Variants in ERBB4 observed in about 807,000 individuals in gnomAD.
ERBB4 encodes erb-b2 receptor tyrosine kinase 4, also known as receptor tyrosine-protein kinase erbB-4.
A neutral mutation model predicts 158.0 loss-of-function variants in ERBB4; 42 were observed. The ratio of observed to expected loss-of-function variants is 0.27; its 90% CI spans 0.21 to 0.34. The LOEUF (loss-of-function observed/expected upper bound fraction) is 0.34. Ranked by LOEUF, ERBB4 falls within the 10% of genes least tolerant of loss-of-function variation. The pLI is 1.00. For missense variants in ERBB4, 1,333 were observed against 1,624.1 expected (o/e 0.82, Z 3.08); for synonymous variants, 583 against 558.7 (o/e 1.04, Z -0.61).
intron 3 of ERBB4, among the ~76,000 whole-genome samples, chr2:211,855,905 T>C (rs1252635907): frequency 6.6e-6 from 1 of 152,172 alleles, no homozygotes; most frequent in Non-Finnish European, 1.5e-5. Flanking sequence ...GATACTTATG[T>C]ATGTAGAAAA....
rs1356101096 is a variant in ERBB4, at chr2:211,413,770, G to A, written c.3135+6671C>T. The stretch of plus-strand genomic sequence containing the variant: ...CAGCTAATCTGGGTTTTTGTTTGAC[G>A]ACCATGAAGAATTAGGCATGCGGAC... On this transcript the variant is annotated intron_variant, in intron 25 of 27. Transcript: ENST00000342788. 3.9e-5 allele frequency among the ~76,000 whole-genome samples: 6 copies of A among 151,942 alleles called. No homozygotes were observed. In the East Asian group the frequency reaches 7.8e-4, roughly 20 times the overall value.
At chr2:211,596,352 C>T (rs908246492) in intron 19 of ERBB4, among the ~76,000 whole-genome samples, 2 of 152,060 alleles carry the variant, frequency 1.3e-5, no homozygotes, top group Admixed American at 6.6e-5. Flanking sequence ...ACACACAGCT[C>T]AATGGAACAG....
chr2:212,530,485 C>A (rs1382757600), intron 1 of ERBB4, among the ~76,000 whole-genome samples: 1 of 152,068 alleles, frequency 6.6e-6, no homozygotes, highest in African/African-American at 2.4e-5. Context: ...TTGCCTAGAG[C>A]AAAATAGTCA....
intron 1 of ERBB4, among the ~76,000 whole-genome samples, chr2:212,514,803 C>T (rs1393051568): frequency 6.6e-6 from 1 of 152,098 alleles, no homozygotes; most frequent in East Asian, 1.9e-4. Flanking sequence ...GACTCCATCT[C>T]AATCAATCAG....
intron 3 of ERBB4, among the ~76,000 whole-genome samples, chr2:211,908,737 T>C (rs910551104): frequency 6.6e-6 from 1 of 151,788 alleles, no homozygotes; most frequent in Non-Finnish European, 1.5e-5. Context: ...AGCAAATTGT[T>C]CTCACCAATA....
chr2:212,351,940 G>A (rs2089270655), intron 1 of ERBB4, among the ~76,000 whole-genome samples: 1 of 152,076 alleles, frequency 6.6e-6, no homozygotes, highest in African/African-American at 2.4e-5. Flanking sequence ...TGGTAGACTG[G>A]ATAAAGAAAA....
chr2:212,465,533 A>G (rs534450659), intron 1 of ERBB4, among the ~76,000 whole-genome samples: 6 of 152,346 alleles, frequency 3.9e-5, no homozygotes, highest in African/African-American at 1.4e-4. Flanking sequence ...AACTATTTAA[A>G]AAACTTAGTA....
At chr2:211,986,182 T>C (rs755980890) in intron 2 of ERBB4, among the ~76,000 whole-genome samples, 1 of 152,146 alleles carries the variant, frequency 6.6e-6, no homozygotes, top group Non-Finnish European at 1.5e-5. Flanking sequence ...ACAGATTCTT[T>C]CTCAGAGTAT....
chr2:212,126,802 A>C (rs1430779679), intron 1 of ERBB4, among the ~76,000 whole-genome samples: 3 of 152,170 alleles, frequency 2.0e-5, no homozygotes, highest in African/African-American at 7.2e-5. Flanking sequence ...TGTTGTTTTC[A>C]AAGGGATGAG....
rs1560034653 is a variant in ERBB4, at chr2:212,330,223, T to TTTG, written c.83-205321_83-205320insCAA. 1.8e-4 allele frequency among the ~76,000 whole-genome samples: 27 copies of TTTG among 151,672 alleles called. 2 individuals carry two copies. The highest frequency in any genetic ancestry group is 6.0e-4 in the African/African-American group (25 of 41,370). ...TGAGGGGTTGTGCTGTATCTGTGTT[T>TTTG]TTTGTTTGTTTGTTTGTTTTGTTTT... On this transcript the variant is annotated intron_variant, in intron 1 of 27. Coordinates refer to ENST00000342788, the MANE Select transcript of ERBB4 (RefSeq NM_005235.3).
intron 19 of ERBB4, among the ~76,000 whole-genome samples, chr2:211,570,050 A>G (rs1297426279): frequency 2.0e-5 from 3 of 152,220 alleles, no homozygotes; most frequent in African/African-American, 7.2e-5. Flanking sequence ...AATGTTAGAG[A>G]AAGGCACAGA....
At chr2:211,554,950 T>C (rs989554877) in intron 20 of ERBB4, among the ~76,000 whole-genome samples, 1 of 152,234 alleles carries the variant, frequency 6.6e-6, no homozygotes, top group African/African-American at 2.4e-5. Context: ...ATCTGCTAAA[T>C]TGTCTTTTAA....
intron 1 of ERBB4, among the ~76,000 whole-genome samples, chr2:212,304,938 A>C (rs1170835128): frequency 6.6e-6 from 1 of 151,000 alleles, no homozygotes; most frequent in Non-Finnish European, 1.5e-5. Flanking sequence ...GTATGCGTAC[A>C]TGTCTGTGTG....
chr2:211,640,729 T>C (rs1179738303), intron 16 of ERBB4, among the ~76,000 whole-genome samples: 2 of 152,158 alleles, frequency 1.3e-5, no homozygotes, highest in East Asian at 3.9e-4. Flanking sequence ...TGCAAGAAAA[T>C]TAGTTTAGCT....
At chr2:211,611,157 T>C (rs1003078982) in intron 19 of ERBB4, among the ~76,000 whole-genome samples, 1 of 152,110 alleles carries the variant, frequency 6.6e-6, no homozygotes, top group Non-Finnish European at 1.5e-5. Context: ...TAAGGGGACT[T>C]TCCCCTAAGC....
intron 19 of ERBB4, among the ~76,000 whole-genome samples, chr2:211,578,274 C>A (rs190348901): frequency 9.8e-4 from 149 of 152,216 alleles, no homozygotes; most frequent in African/African-American, 3.6e-3. Flanking sequence ...TCGAGGAGAA[C>A]TACAAACCAC....
chr2:211,935,243 C>G (rs2080288105), intron 3 of ERBB4, among the ~76,000 whole-genome samples: 1 of 152,038 alleles, frequency 6.6e-6, no homozygotes, highest in African/African-American at 2.4e-5. Flanking sequence ...TAGACGTCAC[C>G]TTGACTGGAT....
chr2:211,499,685 T>C (rs1226704142), intron 20 of ERBB4, among the ~76,000 whole-genome samples: 1 of 152,112 alleles, frequency 6.6e-6, no homozygotes, highest in Non-Finnish European at 1.5e-5. Context: ...CCAAAATGTG[T>C]AAGTGTAAGA....
At chr2:212,241,479 A>G (rs2084104083) in intron 1 of ERBB4, among the ~76,000 whole-genome samples, 1 of 152,160 alleles carries the variant, frequency 6.6e-6, no homozygotes, top group Non-Finnish European at 1.5e-5. Flanking sequence ...AACACAGGTA[A>G]TAACCACATT....
Sources: allele counts gnomAD v4.1 joint callset (sites outside exome capture counted in the v4.1 genomes callset), GRCh38; gene constraint gnomAD v4.1.1; transcripts MANE v1.5; gene names NCBI Gene and HGNC (gene_info 2026-07-23, HGNC 2026-07-21).